The following CSMD1 variants were observed in gnomAD, a reference collection of about 807,000 sequenced individuals.
CSMD1 encodes CUB and sushi domain-containing protein 1.
A neutral mutation model predicts 417.5 loss-of-function variants in CSMD1; 213 were observed. That is an observed-to-expected ratio of 0.51 (90% confidence interval 0.46 to 0.57). The LOEUF is 0.57. Among genes scored for constraint, CSMD1 ranks in the 20% least tolerant of loss-of-function variants. CSMD1 has a pLI of 0.00. For missense variants in CSMD1, 6,923 were observed against 4,529.7 expected, an observed-to-expected ratio of 1.53 and a Z score of -15.17; for synonymous variants, 2,862 against 1,736.8, an observed-to-expected ratio of 1.65 and a Z score of -16.11.
intron 4 of CSMD1, among the ~76,000 whole-genome samples, chr8:4,026,661 T>C (rs1438781178): frequency 1.3e-5 from 2 of 152,248 alleles, no homozygotes; most frequent in Non-Finnish European, 2.9e-5. Flanking sequence ...ACCATTAAGA[T>C]ATTATGTCAA....
intron 8 of CSMD1, among the ~76,000 whole-genome samples, chr8:3,594,261 T>A (rs1800990716): frequency 6.6e-6 from 1 of 152,146 alleles, no homozygotes; most frequent in Non-Finnish European, 1.5e-5. Flanking sequence ...TAAGAGATAC[T>A]TCATCAAACA....
chr8:3,706,892 T>G lies in CSMD1; in HGVS notation c.1009+1522A>C, dbSNP rs563619360. On this transcript the variant is annotated intron_variant, in intron 7 of 69. Transcript: ENST00000635120. ...ATTCCTTCTACTGTTTCTCAGATTTTTTTCCCTTCAGTTTTCCCATCCTTT... is the reference window on the plus strand; with the variant it reads ...ATTCCTTCTACTGTTTCTCAGATTTGTTTCCCTTCAGTTTTCCCATCCTTT... Among the ~76,000 whole-genome samples, 5 of 152,364 alleles carry G rather than the reference T, an allele frequency of 3.3e-5. No homozygotes were observed. The South Asian group carries it at 1.0e-3, about 32-fold the overall frequency.
chr8:4,826,376 G>A (rs891539523), intron 1 of CSMD1, among the ~76,000 whole-genome samples: 2 of 152,026 alleles, frequency 1.3e-5, no homozygotes, highest in African/African-American at 2.4e-5. Flanking sequence ...TTTAAAAGAC[G>A]CAATCCTGCA....
At chr8:3,797,293 G>A (rs979946171) in intron 5 of CSMD1, among the ~76,000 whole-genome samples, 15 of 151,838 alleles carry the variant, frequency 9.9e-5, no homozygotes, top group African/African-American at 2.9e-4. Context: ...ATACTTCCAG[G>A]AAACGCACAT....
chr8:3,635,072 A>C (rs1343892005), intron 7 of CSMD1, among the ~76,000 whole-genome samples: 2 of 152,158 alleles, frequency 1.3e-5, no homozygotes, highest in Non-Finnish European at 2.9e-5. Context: ...GGATGCCTAT[A>C]TAAGATACTT....
chr8:2,992,144 CACATGCACACACATGAACAG>C (rs1282847020), intron 54 of CSMD1, among the ~76,000 whole-genome samples: 3 of 152,088 alleles, frequency 2.0e-5, no homozygotes, highest in Non-Finnish European at 4.4e-5. Context: ...CACACACAGA[CACATGCACACACATGAACAG>C]ACATGCACAC....
At chr8:4,319,407 G>A (rs771845105) in intron 3 of CSMD1, among the ~76,000 whole-genome samples, 45 of 151,954 alleles carry the variant, frequency 3.0e-4, no homozygotes, top group South Asian at 6.2e-4. Context: ...TAATCGATAC[G>A]TGAGCCCTAA....
chr8:4,178,854 G>C (rs945672436), intron 3 of CSMD1, among the ~76,000 whole-genome samples: 7 of 152,086 alleles, frequency 4.6e-5, no homozygotes, highest in Non-Finnish European at 7.4e-5. Flanking sequence ...AAAATACTTA[G>C]AAATCCAACT....
At chr8:3,934,567 A>G (rs1292769819) in intron 5 of CSMD1, among the ~76,000 whole-genome samples, 9 of 152,178 alleles carry the variant, frequency 5.9e-5, no homozygotes, top group African/African-American at 1.9e-4. Flanking sequence ...AACAATTGGT[A>G]TATTTGGCCA....
chr8:3,693,282 T>A (rs767733530), intron 7 of CSMD1, among the ~76,000 whole-genome samples: 1 of 152,208 alleles, frequency 6.6e-6, no homozygotes, highest in African/African-American at 2.4e-5. Flanking sequence ...CACTTATCAA[T>A]GAGATTATAT....
At chr8:3,610,356 G>C (rs1045501819) in intron 8 of CSMD1, among the ~76,000 whole-genome samples, 9 of 152,136 alleles carry the variant, frequency 5.9e-5, no homozygotes, top group African/African-American at 2.2e-4. Flanking sequence ...AACACAGCGA[G>C]ACCTTGTCTT....
intron 2 of CSMD1, among the ~76,000 whole-genome samples, chr8:4,449,019 C>A (rs140079665): frequency 6.6e-6 from 1 of 152,162 alleles, no homozygotes; most frequent in Non-Finnish European, 1.5e-5. Context: ...TGTGTGCGTT[C>A]AGCCTAATTT....
chr8:3,998,367 A>C (rs558838718), intron 4 of CSMD1, among the ~76,000 whole-genome samples: 4 of 152,182 alleles, frequency 2.6e-5, no homozygotes, highest in Admixed American at 2.0e-4. Flanking sequence ...TGAAACATGG[A>C]AAGTGTAGTT....
intron 3 of CSMD1, among the ~76,000 whole-genome samples, chr8:4,339,244 T>C (rs555058226): frequency 6.6e-6 from 1 of 152,300 alleles, no homozygotes; most frequent in East Asian, 1.9e-4. Flanking sequence ...AATCTAGTTA[T>C]GGTCTTGGCC....
intron 3 of CSMD1, among the ~76,000 whole-genome samples, chr8:4,390,526 T>TTTATTTATTTATTTATTTA (rs1459941066): frequency 6.6e-6 from 1 of 151,250 alleles, no homozygotes; most frequent in African/African-American, 2.4e-5. Context: ...TATTTATTTA[T>TTTATTTATTTATTTATTTA]TTTTTGAGAT....
intron 3 of CSMD1, among the ~76,000 whole-genome samples, chr8:4,276,392 C>T (rs997795578): frequency 3.3e-5 from 5 of 152,120 alleles, no homozygotes; most frequent in African/African-American, 1.2e-4. Flanking sequence ...CTAAACACCA[C>T]ATGTTTTCAC....
At chr8:2,957,875 T>G in intron 62 of CSMD1, 68 bp from the exon 63 acceptor site, 1 of 1,061,150 alleles carries the variant, frequency 9.4e-7, no homozygotes, top group Non-Finnish European at 1.4e-6. Flanking sequence ...TAGTGATACC[T>G]GAAAGTACAC....
intron 1 of CSMD1, among the ~76,000 whole-genome samples, chr8:4,735,978 G>A (rs1044108700): frequency 6.6e-6 from 1 of 152,110 alleles, no homozygotes; most frequent in East Asian, 1.9e-4. Context: ...TTCCTGAACT[G>A]AGTTCATAGC....
chr8:3,208,418 C>A (rs1255378003), intron 30 of CSMD1, among the ~76,000 whole-genome samples: 1 of 152,124 alleles, frequency 6.6e-6, no homozygotes, highest in Non-Finnish European at 1.5e-5. Flanking sequence ...AGGTGCACAC[C>A]ACCACACACA....
Sources: gnomAD v4.1 joint callset for allele counts (sites outside exome capture counted in the v4.1 genomes callset) on GRCh38, gnomAD v4.1.1 for gene constraint, MANE v1.5 for transcripts, NCBI Gene and HGNC (gene_info 2026-07-23, HGNC 2026-07-21) for gene names.